NCEH1: variants seen among roughly 807,000 people sequenced by gnomAD.
NCEH1 encodes the protein neutral cholesterol ester hydrolase 1.
A neutral mutation model predicts 25.4 loss-of-function variants in NCEH1; 9 were observed. The ratio of observed to expected loss-of-function variants is 0.35; its 90% confidence interval spans 0.21 to 0.62. NCEH1 has a LOEUF of 0.62. Ranked by LOEUF, NCEH1 falls within the 20% of genes least tolerant of loss-of-function variation. The pLI is 0.72. For missense variants in NCEH1, 412 were observed against 501.1 expected (o/e 0.82, Z 1.70); for synonymous variants, 200 against 199.8 (o/e 1.00, Z -0.01).
intron 1 of NCEH1, among the ~76,000 whole-genome samples, chr3:172,661,892 T>C (rs1260583847): frequency 1.3e-5 from 2 of 152,190 alleles, no homozygotes; most frequent in Non-Finnish European, 2.9e-5. Context: ...TGGGGTTTTC[T>C]AAATATACAA....
chr3:172,646,655 G>A (rs1717134273), intron 2 of NCEH1, among the ~76,000 whole-genome samples: 1 of 152,082 alleles, frequency 6.6e-6, no homozygotes, highest in South Asian at 2.1e-4. Context: ...GGAAGCTTAA[G>A]AATTACATAG....
intron 1 of NCEH1, among the ~76,000 whole-genome samples, chr3:172,699,236 TG>T (rs1318899073): frequency 2.6e-5 from 4 of 152,100 alleles, no homozygotes; most frequent in African/African-American, 9.7e-5. Context: ...GGAGGGCATC[TG>T]GGACAGAGGG....
intron 1 of NCEH1, among the ~76,000 whole-genome samples, chr3:172,665,820 A>G (rs1432930965): frequency 6.6e-6 from 1 of 152,182 alleles, no homozygotes; most frequent in African/African-American, 2.4e-5. Context: ...CTGGTCTGCC[A>G]TTTGCTAAGA....
At chr3:172,681,818 A>T (rs143145785) in intron 1 of NCEH1, among the ~76,000 whole-genome samples, 62 of 152,022 alleles carry the variant, frequency 4.1e-4, no homozygotes, top group African/African-American at 1.4e-3. Context: ...GAGGCAGGAG[A>T]ATCGCTTAAA....
At chr3:172,673,630 G>C (rs545475953) in intron 1 of NCEH1, among the ~76,000 whole-genome samples, 2 of 152,312 alleles carry the variant, frequency 1.3e-5, no homozygotes, top group African/African-American at 4.8e-5. Context: ...TTTCATGAGA[G>C]ACAGCAGGGA....
chr3:172,697,373 A>C (rs1415755792), intron 1 of NCEH1, among the ~76,000 whole-genome samples: 2 of 151,902 alleles, frequency 1.3e-5, no homozygotes, highest in African/African-American at 4.8e-5. Context: ...CCACTAACTA[A>C]CCTCTAGCCA....
At chr3:172,646,195 A>T (rs974958978) in intron 2 of NCEH1, among the ~76,000 whole-genome samples, 71 of 152,056 alleles carry the variant, frequency 4.7e-4, no homozygotes, top group Middle Eastern at 3.4e-3. Context: ...CTATAAAAAA[A>T]TTTTTTTTAA....
intron 1 of NCEH1, among the ~76,000 whole-genome samples, chr3:172,657,277 C>T (rs192402459): frequency 6.6e-6 from 1 of 152,296 alleles, no homozygotes. Context: ...AGCTTCCATA[C>T]ATATTTCCAA....
intron 3 of NCEH1, among the ~76,000 whole-genome samples, chr3:172,640,645 C>G (rs1440584319): frequency 6.6e-6 from 1 of 152,106 alleles, no homozygotes; most frequent in East Asian, 1.9e-4. Context: ...GTAGCTGGAA[C>G]TACAGGCGCC....
At chr3:172,635,398 GA>G (rs1716552476) in intron 4 of NCEH1, among the ~76,000 whole-genome samples, 1 of 152,144 alleles carries the variant, frequency 6.6e-6, no homozygotes, top group Non-Finnish European at 1.5e-5. Context: ...TTAGAAGCTA[GA>G]TATAGTTTTC....
chr3:172,693,571 T>G lies in NCEH1; in HGVS notation c.138+17276A>C, dbSNP rs112080622. Among the ~76,000 whole-genome samples the G allele has an allele frequency of 8.8e-3, 1,343 of 152,324 alleles. 8 individuals are homozygous for G. Among genetic ancestry groups the G allele is most frequent in the South Asian group, 0.036 (172 of 4,820 alleles). On this transcript the variant is annotated intron_variant, in intron 1 of 4. Transcript: ENST00000475381. ...ACTCTTTAAAGCACTTAAATTCTAT[T>G]ATTTGCTCTCGAAATATGCTTTGAG...
chr3:172,667,086 C>T (rs1207123394), intron 1 of NCEH1, among the ~76,000 whole-genome samples: 1 of 152,180 alleles, frequency 6.6e-6, no homozygotes, highest in Non-Finnish European at 1.5e-5. Context: ...TCCTTTCACA[C>T]CACTAAAAAT....
At chr3:172,678,308 C>T (rs1338946747) in intron 1 of NCEH1, among the ~76,000 whole-genome samples, 1 of 152,176 alleles carries the variant, frequency 6.6e-6, no homozygotes. Context: ...CAAGTTAATG[C>T]AGCTCAGTCC....
intron 3 of NCEH1, among the ~76,000 whole-genome samples, chr3:172,636,556 A>G (rs1716605314): frequency 6.6e-6 from 1 of 152,338 alleles, no homozygotes; most frequent in East Asian, 1.9e-4. Context: ...ACTTCATATA[A>G]TAAAACTGTA....
chr3:172,675,302 C>CAAATAAATAAATAAAT (rs56201640), intron 1 of NCEH1, among the ~76,000 whole-genome samples: 99 of 142,490 alleles, frequency 6.9e-4, no homozygotes, highest in African/African-American at 2.3e-3. Flanking sequence ...GATCCTGTCT[C>CAAATAAATAAATAAAT]AAATAAATAA....
intron 3 of NCEH1, among the ~76,000 whole-genome samples, chr3:172,637,910 G>A (rs1383628957): frequency 2.6e-5 from 4 of 151,148 alleles, no homozygotes; most frequent in African/African-American, 4.9e-5. Flanking sequence ...AGCCGGGCAT[G>A]GTGGTATGCA....
chr3:172,643,128 G>A (rs759227661), intron 3 of NCEH1, among the ~76,000 whole-genome samples: 10 of 151,988 alleles, frequency 6.6e-5, no homozygotes, highest in Non-Finnish European at 1.0e-4. Context: ...AGTAGAGATG[G>A]GGTTTCTCCA....
At chr3:172,703,400 G>A (rs540941131) in intron 1 of NCEH1, among the ~76,000 whole-genome samples, 1 of 151,316 alleles carries the variant, frequency 6.6e-6, no homozygotes, top group Admixed American at 6.6e-5. Context: ...TCATGGCGGG[G>A]GCCTGTAATC....
intron 1 of NCEH1, among the ~76,000 whole-genome samples, chr3:172,652,032 T>A (rs565534190): frequency 1.3e-5 from 2 of 152,230 alleles, no homozygotes; most frequent in South Asian, 4.1e-4. Context: ...AAAAGAACCC[T>A]GGGGTACAAA....
Sources: allele counts gnomAD v4.1 joint callset (sites outside exome capture counted in the v4.1 genomes callset), GRCh38; gene constraint gnomAD v4.1.1; transcripts MANE v1.5; gene names NCBI Gene and HGNC (gene_info 2026-07-23, HGNC 2026-07-21).